Variants in RHEX observed in about 807,000 individuals in gnomAD.
RHEX encodes the protein regulator of hemoglobinization and erythroid cell expansion.
RHEX carries 18 observed loss-of-function variants against 20.1 expected under a neutral mutation model. The ratio of observed to expected loss-of-function variants is 0.90; its 90% CI spans 0.62 to 1.33. RHEX has a LOEUF of 1.33. Ranked by LOEUF, RHEX falls within the 40% of genes most tolerant of loss-of-function variation. The pLI is 0.00. For synonymous variants in RHEX, 87 were observed against 77.1 expected, an observed-to-expected ratio of 1.13 and a Z score of -0.67; for missense variants, 192 against 214.3, an observed-to-expected ratio of 0.90 and a Z score of 0.65.
chr1:206,082,232 T>C (rs1662751807), intron 1 of RHEX, among the ~76,000 whole-genome samples: 1 of 152,154 alleles, frequency 6.6e-6, no homozygotes, highest in South Asian at 2.1e-4. Flanking sequence ...AAAATGTTAA[T>C]AGCGGCTGGG....
At chr1:206,094,757 C>T (rs111294494) in intron 1 of RHEX, among the ~76,000 whole-genome samples, 9 of 152,212 alleles carry the variant, frequency 5.9e-5, no homozygotes, top group South Asian at 2.1e-4. Context: ...ACTCTGTCAC[C>T]GGGCTCTTCT....
chr1:206,073,054 T>A (rs1467532960), intron 1 of RHEX, among the ~76,000 whole-genome samples: 2 of 152,026 alleles, frequency 1.3e-5, no homozygotes, highest in Non-Finnish European at 2.9e-5. Flanking sequence ...CCCAGGCTGG[T>A]CACAAACTCC....
intron 1 of RHEX, among the ~76,000 whole-genome samples, chr1:206,073,776 T>C (rs1553284915): frequency 3.3e-5 from 5 of 152,156 alleles, no homozygotes; most frequent in Admixed American, 3.3e-4. Flanking sequence ...AATCCTATCA[T>C]TTCTACCTCC....
chr1:206,080,367 A>G (rs1662710878), intron 1 of RHEX: 1 of 152,232 alleles, frequency 6.6e-6, no homozygotes, highest in East Asian at 1.9e-4. Context: ...TTGACACAAC[A>G]TTCCCTACTT....
chr1:206,087,746 A>G (rs1662867344), intron 1 of RHEX, among the ~76,000 whole-genome samples: 1 of 152,212 alleles, frequency 6.6e-6, no homozygotes, highest in African/African-American at 2.4e-5. Context: ...CACTCAGAAA[A>G]TCTAGGCTTA....
chr1:206,068,092 T>C (rs369398047), intron 1 of RHEX, among the ~76,000 whole-genome samples: 1 of 152,228 alleles, frequency 6.6e-6, no homozygotes, highest in African/African-American at 2.4e-5. Context: ...AGACAGCCCA[T>C]GTGACCTGAT....
chr1:206,080,797 G>A (rs1571864563), intron 1 of RHEX, among the ~76,000 whole-genome samples: 2 of 152,108 alleles, frequency 1.3e-5, no homozygotes, highest in East Asian at 3.9e-4. Context: ...CTCTGAGCAG[G>A]AGCAGGCAAA....
At chr1:206,073,848 C>G (rs960310738) in intron 1 of RHEX, among the ~76,000 whole-genome samples, 6 of 152,190 alleles carry the variant, frequency 3.9e-5, no homozygotes, top group Admixed American at 2.0e-4. Flanking sequence ...CTCCACATTG[C>G]AACCAGAGGG....
At position 206,086,527 on chromosome 1, in the gene RHEX, A is replaced by G. The variant is rs552955190; in HGVS notation, c.-96-11206A>G. Among the ~76,000 whole-genome samples, 97 of 152,294 alleles carry G rather than the reference A, an allele frequency of 6.4e-4. 2 individuals carry two copies. Among genetic ancestry groups the G allele is most frequent in the African/African-American group, 2.2e-3 (90 of 41,556 alleles). ...GCAATGTGGTGAAGGCTCTGGCCTCAAACCATCTGTGTCTGAATTATGTCC... is the reference window on the plus strand; with the variant it reads ...GCAATGTGGTGAAGGCTCTGGCCTCGAACCATCTGTGTCTGAATTATGTCC... On this transcript the variant is annotated intron_variant, in intron 1 of 5. Coordinates refer to ENST00000331555, the MANE Select transcript of RHEX (RefSeq NM_001007544.4).
Position 206,099,663 on chromosome 1 carries a change from A to G in RHEX, c.121A>G (p.Ser41Gly). 2 of 1,614,008 alleles carry G rather than the reference A, an allele frequency of 1.2e-6. No homozygotes were observed. The highest frequency in any genetic ancestry group is 1.7e-6 in the Non-Finnish European group (2 of 1,179,986). The part of the protein sequence containing the change: ...YLLSRHMAHK[S>G]EQILKAASLQ... ...TGCCCTCTCCCTTCCAGCCCACAAG[A>G]GTGAACAGATACTGAAAGCGGCCAG... Residue 41 changes from serine to glycine, a missense_variant, in exon 4 of 6, where the codon AGT (serine) becomes GGT (glycine). Transcript: ENST00000331555.
chr1:206,071,546 C>CAAAAAAAAAAAAAA (rs35408708), intron 1 of RHEX, among the ~76,000 whole-genome samples: 1 of 95,896 alleles, frequency 1.0e-5, no homozygotes, highest in Non-Finnish European at 2.3e-5. Flanking sequence ...GTTGAAAATG[C>CAAAAAAAAAAAAAA]AAAAAAAAAA....
At chr1:206,092,950 G>A (rs1394603079) in intron 1 of RHEX, among the ~76,000 whole-genome samples, 2 of 152,158 alleles carry the variant, frequency 1.3e-5, no homozygotes, top group African/African-American at 4.8e-5. Context: ...CCTTTAAAGA[G>A]CAGGATGCTC....
chr1:206,066,500 CCAGCT>C (rs1392442684), intron 1 of RHEX, among the ~76,000 whole-genome samples: 3 of 152,160 alleles, frequency 2.0e-5, no homozygotes, highest in Non-Finnish European at 2.9e-5. Flanking sequence ...GCCTGTAATC[CCAGCT>C]ACTCCGGAGG....
chr1:206,072,043 AC>A (rs1662547050), intron 1 of RHEX, among the ~76,000 whole-genome samples: 2 of 152,170 alleles, frequency 1.3e-5, no homozygotes, highest in South Asian at 4.1e-4. Flanking sequence ...TGTCTCAGGT[AC>A]CATTTAGCAA....
At chr1:206,080,941 T>C (rs1662724230) in intron 1 of RHEX, among the ~76,000 whole-genome samples, 1 of 152,116 alleles carries the variant, frequency 6.6e-6, no homozygotes, top group African/African-American at 2.4e-5. Context: ...TAGCTGGGAC[T>C]ACAGGCGCAT....
chr1:206,065,224 T>C (rs545979163), intron 1 of RHEX, among the ~76,000 whole-genome samples: 5 of 151,344 alleles, frequency 3.3e-5, no homozygotes, highest in African/African-American at 1.2e-4. Context: ...ACTATTGTCC[T>C]ATGACACTGC....
intron 1 of RHEX, among the ~76,000 whole-genome samples, chr1:206,054,242 T>C (rs1662139395): frequency 6.6e-6 from 1 of 152,050 alleles, no homozygotes; most frequent in African/African-American, 2.4e-5. Flanking sequence ...TTGTAATAAG[T>C]CAGAAAGTTG....
Position 206,073,981 on chromosome 1 carries a change from G to A in RHEX, c.-97+20716G>A, listed in dbSNP as rs1553284936. Among the ~76,000 whole-genome samples the A allele has an allele frequency of 4.6e-5, 7 of 152,154 alleles. No individual in the cohort carries two copies. In the South Asian group the frequency reaches 1.0e-3, roughly 23 times the overall value. Reference sequence around the variant, plus strand: ...CAGCAAACAAGGGCCTCCGTAATCCGGCCCATTCCCACCTTTGCAGCCTCA... The same window carrying A: ...CAGCAAACAAGGGCCTCCGTAATCCAGCCCATTCCCACCTTTGCAGCCTCA... On this transcript the variant is annotated intron_variant, in intron 1 of 5. Coordinates refer to ENST00000331555, the MANE Select transcript of RHEX (RefSeq NM_001007544.4).
chr1:206,068,162 T>G (rs1411453488), intron 1 of RHEX, among the ~76,000 whole-genome samples: 2 of 152,254 alleles, frequency 1.3e-5, no homozygotes, highest in Admixed American at 6.5e-5. Context: ...AGGCCCACTT[T>G]CAATCTTAAA....
Sources: gnomAD v4.1 joint callset for allele counts (sites outside exome capture counted in the v4.1 genomes callset) on GRCh38, gnomAD v4.1.1 for gene constraint, MANE v1.5 for transcripts, NCBI Gene and HGNC (gene_info 2026-07-23, HGNC 2026-07-21) for gene names.